BANP: variants seen among roughly 807,000 people sequenced by gnomAD.
BANP encodes the protein protein BANP.
In BANP, 11 loss-of-function variants were observed where a neutral mutation model predicts 68.1. That is an observed-to-expected ratio of 0.16 (90% CI 0.10 to 0.27). The LOEUF (loss-of-function observed/expected upper bound fraction) is 0.27, where lower values mean the gene tolerates loss of function less well. BANP is among the 10% of genes least tolerant of loss of function. The pLI, the probability that BANP is intolerant of heterozygous loss-of-function variation, is 1.00. For missense variants in BANP, 504 were observed against 722.7 expected (o/e 0.70, Z 3.47); for synonymous variants, 329 against 303.2 (o/e 1.09, Z -0.88).
At position 88,071,923 on chromosome 16, in the gene BANP, G is replaced by C. The variant is rs1359979303; in HGVS notation, c.1378-146G>C. ...ATGGGGAGACAGGATGTGCCGCAGA[G>C]TCCTCGGTGTGGCCCTGAGGCCGTG... On this transcript the variant is annotated intron_variant, in intron 12 of 13. Transcript: ENST00000682872. The surrounding 1 kb of genome is among the most constrained non-coding windows in gnomAD (Gnocchi z 6.5). 4.8e-6 allele frequency: 5 copies of C among 1,037,892 alleles called. No individual in the cohort carries two copies. The highest frequency in any genetic ancestry group is 7.2e-6 in the Non-Finnish European group (5 of 694,848). The allele number at this position is 1,037,892 out of a possible 1,614,324, so 64.3% of individuals were successfully genotyped here.
chr16:88,038,372 C>G (rs2079924057), intron 11 of BANP, among the ~76,000 whole-genome samples: 1 of 152,080 alleles, frequency 6.6e-6, no homozygotes, highest in Non-Finnish European at 1.5e-5. Flanking sequence ...TGACAATGCA[C>G]AGGCCTGGAA....
chr16:88,005,698 G>A (rs1046495451), intron 5 of BANP, among the ~76,000 whole-genome samples: 10 of 152,198 alleles, frequency 6.6e-5, no homozygotes, highest in African/African-American at 9.7e-5. Flanking sequence ...AGCGTGGATC[G>A]AATTGACCCA....
chr16:88,053,729 TCAC>T (rs1420962003), intron 11 of BANP, among the ~76,000 whole-genome samples: 30 of 116,716 alleles, frequency 2.6e-4, no homozygotes, highest in Non-Finnish European at 3.4e-5. Context: ...ACAACCACCT[TCAC>T]CACCACCTCT....
At chr16:88,032,574 T>C (rs945097763) in intron 8 of BANP, among the ~76,000 whole-genome samples, 4 of 152,228 alleles carry the variant, frequency 2.6e-5, no homozygotes, top group Admixed American at 2.6e-4. Context: ...GTGTATACAT[T>C]GAAAATTAAA....
rs1439077142 is a variant in BANP at position 88,002,069 on chromosome 16, G to A, written c.363-2226G>A. Among the ~76,000 whole-genome samples, 1 of 152,186 alleles carries A rather than the reference G, an allele frequency of 6.6e-6. No individual in the cohort carries two copies. The highest frequency in any genetic ancestry group is 1.5e-5 in the Non-Finnish European group (1 of 68,036). ...AATACTAGGAATGTATTTTTGAAGA[G>A]CTGGATAGGGCTTTTTGGTTAATTA... On this transcript the variant is annotated intron_variant, in intron 4 of 13. Transcript: ENST00000682872. The surrounding 1 kb of genome is among the most constrained non-coding windows in gnomAD (Gnocchi z 4.6).
chr16:88,026,584 T>C (rs1476585516), intron 7 of BANP, among the ~76,000 whole-genome samples: 1 of 151,828 alleles, frequency 6.6e-6, no homozygotes, highest in Non-Finnish European at 1.5e-5. Context: ...AATACATGCG[T>C]GAATTCTCCA....
chr16:88,075,522 G>A (rs931216035), intron 13 of BANP, among the ~76,000 whole-genome samples: 21 of 152,176 alleles, frequency 1.4e-4, no homozygotes, highest in African/African-American at 5.1e-4. Context: ...AAATGAAGCA[G>A]GACCTTAACT....
Position 87,983,359 on chromosome 16 carries a change from C to T in BANP, c.163-701C>T, listed in dbSNP as rs2063659696. Among the ~76,000 whole-genome samples, 4 of 152,210 alleles carry T rather than the reference C, an allele frequency of 2.6e-5. No homozygotes were observed. The South Asian group carries it at 8.3e-4, about 32-fold the overall frequency. ...TGATTAACACGTTTCCACGTGTGCT[C>T]ATGGTGGCTCCTGGCTGGGACGGCA... is the stretch of plus-strand genomic sequence containing the variant. On this transcript the variant is annotated intron_variant, in intron 3 of 13. Transcript: ENST00000682872.
At chr16:87,986,950 CATT>C (rs1237647507) in intron 4 of BANP, among the ~76,000 whole-genome samples, 2 of 152,046 alleles carry the variant, frequency 1.3e-5, no homozygotes, top group African/African-American at 4.8e-5. Context: ...CTAATAAAAC[CATT>C]ATTTGTAAAA....
chr16:88,027,634 C>T lies in BANP; in HGVS notation c.1047C>T (p.Ser349=). 6.2e-7 allele frequency: 1 copy of T among 1,613,492 alleles called. No individual in the cohort carries two copies. Among genetic ancestry groups the T allele is most frequent in the African/African-American group, 1.3e-5 (1 of 75,046 alleles). ...TCTCGCGGAGAACGCCCAACTCGTCCTCCTACTGCCCTTCAGGTAGGCCTC... is the reference window on the plus strand; with the variant it reads ...TCTCGCGGAGAACGCCCAACTCGTCTTCCTACTGCCCTTCAGGTAGGCCTC... The part of the protein sequence containing the change: ...KSFSRRTPNS[S]SYCPSEPMMS... The change falls in exon 8 of 14, where the codon TCC becomes TCT. Residue 349 remains serine (S), a synonymous_variant. Transcript: ENST00000682872.
At chr16:88,052,143 A>G (rs1026839376) in intron 11 of BANP, among the ~76,000 whole-genome samples, 3 of 152,338 alleles carry the variant, frequency 2.0e-5, no homozygotes, top group East Asian at 1.9e-4. Flanking sequence ...AATTACTACT[A>G]AATTGTTACT....
intron 13 of BANP, among the ~76,000 whole-genome samples, chr16:88,075,746 C>CTTTTTTT (rs34974822): frequency 1.7e-5 from 2 of 120,918 alleles, no homozygotes; most frequent in Non-Finnish European, 3.3e-5. Context: ...TTTTCCTTTA[C>CTTTTTTT]TTTTTTTTTT....
intron 11 of BANP, among the ~76,000 whole-genome samples, chr16:88,056,116 G>A (rs1217028949): frequency 6.6e-6 from 1 of 152,324 alleles, no homozygotes; most frequent in African/African-American, 2.4e-5. Flanking sequence ...AAGGGAGGCC[G>A]TGGTGTCTCC....
rs761442210 is a variant in BANP at position 88,027,586 on chromosome 16, C to T, written c.999C>T (p.Gly333=). 3.7e-6 allele frequency: 6 copies of T among 1,613,682 alleles called. No homozygotes were observed. Among genetic ancestry groups the T allele is most frequent in the East Asian group, 2.2e-5 (1 of 44,866 alleles). Residue 333 remains glycine, a synonymous_variant, in exon 8 of 14, where the codon GGC becomes GGT. Transcript: ENST00000682872. The part of the protein sequence containing the change: ...CRTAWRRKQR[G]QSLAVKSFSR... ...CGGCGTGGCGGCGCAAGCAGCGGGG[C>T]CAGAGCCTGGCGGTCAAGAGCTTCT...
At chr16:87,984,571 A>T (rs1167666461) in intron 4 of BANP, among the ~76,000 whole-genome samples, 2 of 151,992 alleles carry the variant, frequency 1.3e-5, no homozygotes, top group Non-Finnish European at 2.9e-5. Context: ...TTCCTACTCT[A>T]CCTGGCTAGT....
chr16:88,049,219 G>T (rs1259957716), intron 11 of BANP, among the ~76,000 whole-genome samples: 4 of 152,212 alleles, frequency 2.6e-5, no homozygotes, highest in Non-Finnish European at 5.9e-5. Flanking sequence ...ACCGGCTTCA[G>T]GTTGGGCTTC....
At chr16:88,043,276 G>A (rs4843778) in intron 11 of BANP, among the ~76,000 whole-genome samples, 22,570 of 152,214 alleles carry the variant, frequency 0.15, 2,090 homozygotes, top group South Asian at 0.33. Flanking sequence ...GCTCCTTCGG[G>A]TGAGCTGCGT....
At chr16:88,041,399 C>G (rs1168588818) in intron 11 of BANP, among the ~76,000 whole-genome samples, 8 of 152,106 alleles carry the variant, frequency 5.3e-5, no homozygotes, top group Non-Finnish European at 1.2e-4. Flanking sequence ...GCACCTGCTG[C>G]CAGGGGACCA....
At position 87,985,242 on chromosome 16, in the gene BANP, G is replaced by C. The variant is rs62054047; in HGVS notation, c.362+983G>C. On this transcript the variant is annotated intron_variant, in intron 4 of 13. Transcript: ENST00000682872. ...AGCAGTGGTGCCTCTTTGAACTCTC[G>C]GGCATGCCGGGGCTTTTGGAAACGC... Among the ~76,000 whole-genome samples the C allele has an allele frequency of 3.6e-3, 546 of 152,316 alleles. 1 individual carries two copies. Among genetic ancestry groups the C allele is most frequent in the Non-Finnish European group, 6.4e-3 (434 of 68,034 alleles).
Sources: gnomAD v4.1 joint callset for allele counts (sites outside exome capture counted in the v4.1 genomes callset) on GRCh38, gnomAD v4.1.1 for gene constraint, Gnocchi (gnomAD v3.1) non-coding constraint, MANE v1.5 for transcripts, NCBI Gene and HGNC (gene_info 2026-07-23, HGNC 2026-07-21) for gene names.